The following XXYLT1 variants were observed in gnomAD, a reference collection of about 807,000 sequenced individuals.
XXYLT1 encodes UDP-xylose:alpha-xyloside alpha-1,3-xylosyltransferase.
XXYLT1 carries 20 observed loss-of-function variants against 28.9 expected under a neutral mutation model. The observed-to-expected ratio is 0.69, with a 90% CI of 0.49 to 1.00. The LOEUF (loss-of-function observed/expected upper bound fraction) is 1.00. Ranked by LOEUF, XXYLT1 falls within the 50% of genes least tolerant of loss-of-function variation. The probability of loss-of-function intolerance (pLI) is 0.00; values close to 1 mark genes in which losing one functional copy is unlikely to be tolerated. For missense variants in XXYLT1, 542 were observed against 560.1 expected (o/e 0.97, Z 0.33); for synonymous variants, 257 against 253.8 (o/e 1.01, Z -0.12).
intron 1 of XXYLT1, among the ~76,000 whole-genome samples, chr3:195,254,583 C>T (rs940923538): frequency 1.3e-5 from 2 of 152,246 alleles, no homozygotes; most frequent in Non-Finnish European, 2.9e-5. Context: ...ATCCAGGCAA[C>T]AGGCTCGCAA....
At chr3:195,216,027 A>G (rs1365157976) in intron 2 of XXYLT1, among the ~76,000 whole-genome samples, 7 of 151,518 alleles carry the variant, frequency 4.6e-5, no homozygotes, top group South Asian at 2.1e-4. Flanking sequence ...CTCACTCAAA[A>G]CCGCTCAACT....
At chr3:195,175,588 G>A (rs929937907) in intron 2 of XXYLT1, 2 of 1,535,872 alleles carry the variant, frequency 1.3e-6, no homozygotes, top group Non-Finnish European at 8.7e-7. Flanking sequence ...TCAGAAGCAG[G>A]TCTCAGATGG....
rs867848025 is a variant in XXYLT1 at position 195,270,507 on chromosome 3, G to A, written c.504+48C>T. On this transcript the variant is annotated intron_variant, in intron 1 of 3. Transcript: ENST00000310380. ...CGGGAGCGCAAACTGACCTCGCCTA[G>A]GATGGGGTGGGCCACCCACCGGGAG... 8 of 1,359,004 alleles carry A rather than the reference G, an allele frequency of 5.9e-6. No individual in the cohort carries two copies. In the Middle Eastern group the frequency reaches 1.4e-3, roughly 230 times the overall value. The allele number at this position is 1,359,004 out of a possible 1,614,324, so 84.2% of individuals were successfully genotyped here.
Position 195,069,418 on chromosome 3 carries a change from A to T in XXYLT1, c.*297T>A. 2.6e-6 allele frequency: 1 copy of T among 380,822 alleles called. No individual in the cohort carries two copies. Among genetic ancestry groups the T allele is most frequent in the Non-Finnish European group, 4.7e-6 (1 of 211,996 alleles). The allele number at this position is 380,822 out of a possible 1,614,324, so 23.6% of individuals were successfully genotyped here. ...TCCTCAGAGGCAGACAGCAAGGGGG[A>T]CCCTTTCTCCCCTTCCTTCTCTTCA... On this transcript the variant is annotated 3_prime_UTR_variant, in exon 4 of 4. Coordinates refer to ENST00000310380, the MANE Select transcript of XXYLT1 (RefSeq NM_152531.5).
intron 2 of XXYLT1, among the ~76,000 whole-genome samples, chr3:195,160,465 G>A (rs1720815501): frequency 6.6e-6 from 1 of 152,236 alleles, no homozygotes; most frequent in African/African-American, 2.4e-5. Flanking sequence ...ACAGCATTAA[G>A]CTATGTGACT....
At chr3:195,149,830 A>C (rs898736001) in intron 3 of XXYLT1, among the ~76,000 whole-genome samples, 3 of 152,232 alleles carry the variant, frequency 2.0e-5, no homozygotes, top group Non-Finnish European at 4.4e-5. Context: ...ACTATTAATA[A>C]ATGTATGATG....
intron 2 of XXYLT1, among the ~76,000 whole-genome samples, chr3:195,193,829 T>C (rs75388426): frequency 0.034 from 5,198 of 152,292 alleles, 153 homozygotes; most frequent in East Asian, 0.1. Context: ...GTCAATTAGA[T>C]ATACAAATGC....
rs959771393 is a variant in XXYLT1, at chr3:195,253,170, G to A, written c.504+17385C>T. ...CTTTTCTTGGACCCTCCCTCTCCCC[G>A]GGGCCCAGGGAAGGCTGCCCTAAGC... On this transcript the variant is annotated intron_variant, in intron 1 of 3. Transcript: ENST00000310380. 2.6e-5 allele frequency among the ~76,000 whole-genome samples: 4 copies of A among 152,150 alleles called. No homozygotes were observed. The East Asian group carries it at 5.8e-4, about 22-fold the overall frequency.
intron 3 of XXYLT1, among the ~76,000 whole-genome samples, chr3:195,155,136 C>A (rs1294849543): frequency 2.0e-5 from 3 of 152,234 alleles, no homozygotes; most frequent in Non-Finnish European, 4.4e-5. Flanking sequence ...AAGGAGTTAT[C>A]AGCTCATTTA....
intron 1 of XXYLT1, among the ~76,000 whole-genome samples, chr3:195,254,569 G>A (rs759508401): frequency 4.6e-5 from 7 of 152,230 alleles, no homozygotes; most frequent in Non-Finnish European, 5.9e-5. Flanking sequence ...TCTGGAACCT[G>A]GGCATCCAGG....
chr3:195,112,883 G>A (rs563439333), intron 3 of XXYLT1, among the ~76,000 whole-genome samples: 3 of 149,112 alleles, frequency 2.0e-5, no homozygotes, highest in Admixed American at 6.6e-5. Context: ...ACACATGTGC[G>A]CACATACACG....
At chr3:195,248,251 AGGAG>A (rs1162389860) in intron 1 of XXYLT1, among the ~76,000 whole-genome samples, 1 of 152,210 alleles carries the variant, frequency 6.6e-6, no homozygotes, top group East Asian at 1.9e-4. Flanking sequence ...ATACTACCTC[AGGAG>A]GGGCTAAGGA....
chr3:195,218,408 C>T (rs1483939784), intron 2 of XXYLT1, among the ~76,000 whole-genome samples: 1,084 of 150,596 alleles, frequency 7.2e-3, no homozygotes, highest in African/African-American at 0.026. Context: ...TTTTCGCAAC[C>T]AACTCATCCG....
intron 3 of XXYLT1, among the ~76,000 whole-genome samples, chr3:195,137,350 T>A (rs1719252555): frequency 6.6e-6 from 1 of 152,228 alleles, no homozygotes; most frequent in African/African-American, 2.4e-5. Flanking sequence ...AAACCACACA[T>A]GGTCAGCTCC....
chr3:195,261,055 C>CTAGG (rs753889888), intron 1 of XXYLT1, among the ~76,000 whole-genome samples: 3 of 152,274 alleles, frequency 2.0e-5, no homozygotes, highest in Non-Finnish European at 4.4e-5. Flanking sequence ...CGTAAGCCAC[C>CTAGG]TGCTCTCAGC....
chr3:195,259,875 G>T, intron 1 of XXYLT1: 1 of 165,778 alleles, frequency 6.0e-6, no homozygotes, highest in Non-Finnish European at 1.2e-5. Flanking sequence ...GGACTGGAAA[G>T]GATGTGGCTG....
At chr3:195,088,710 A>G (rs974646737) in intron 3 of XXYLT1, among the ~76,000 whole-genome samples, 1 of 142,220 alleles carries the variant, frequency 7.0e-6, no homozygotes, top group Non-Finnish European at 1.5e-5. Context: ...AGAAGGCTTC[A>G]GACGATCAAA....
intron 1 of XXYLT1, among the ~76,000 whole-genome samples, chr3:195,238,988 C>T (rs935297704): frequency 1.3e-5 from 2 of 152,202 alleles, no homozygotes; most frequent in East Asian, 3.9e-4. Context: ...TCCCTACTGG[C>T]CCCATCTCAC....
At chr3:195,161,547 C>T (rs1466178689) in intron 2 of XXYLT1, among the ~76,000 whole-genome samples, 2 of 151,746 alleles carry the variant, frequency 1.3e-5, no homozygotes, top group Non-Finnish European at 2.9e-5. Flanking sequence ...TTGACAAAGA[C>T]CAATAGAGAA....
Sources: gnomAD v4.1 joint callset for allele counts (sites outside exome capture counted in the v4.1 genomes callset) on GRCh38, gnomAD v4.1.1 for gene constraint, MANE v1.5 for transcripts, NCBI Gene and HGNC (gene_info 2026-07-23, HGNC 2026-07-21) for gene names.